The following DMBT1 variants were observed in gnomAD, a reference collection of about 807,000 sequenced individuals.
DMBT1 encodes the protein deleted in malignant brain tumors 1, also known as scavenger receptor cysteine-rich domain-containing protein DMBT1.
In DMBT1, 198 loss-of-function variants were observed where a neutral mutation model predicts 252.9. That is an observed-to-expected ratio of 0.78 (90% confidence interval 0.70 to 0.88). The LOEUF (loss-of-function observed/expected upper bound fraction) is 0.88, where lower values mean the gene tolerates loss of function less well. Ranked by LOEUF, DMBT1 falls within the 40% of genes least tolerant of loss-of-function variation. The pLI, the probability that DMBT1 is intolerant of heterozygous loss-of-function variation, is 0.00. For missense variants in DMBT1, 2,432 were observed against 2,404.7 expected (o/e 1.01, Z -0.24); for synonymous variants, 990 against 942.7 (o/e 1.05, Z -0.92).
chr10:122,577,766 G>T (rs2097725722), intron 7 of DMBT1, 45 bp from the exon 8 acceptor site: 2 of 1,611,760 alleles, frequency 1.2e-6, no homozygotes, highest in Non-Finnish European at 1.7e-6. Flanking sequence ...TCTACTTGGA[G>T]TCACTGAGTG....
chr10:122,642,620 AG>A (rs1456644821), intron 55 of DMBT1, among the ~76,000 whole-genome samples: 3 of 151,994 alleles, frequency 2.0e-5, no homozygotes, highest in African/African-American at 4.8e-5. Context: ...CAGGCTGAGG[AG>A]GGTCAGGAAA....
In DMBT1 at chr10:122,598,963, G is replaced by T. The variant is rs1298036610; in HGVS notation, c.3146G>T (p.Gly1049Val). The change falls in exon 26 of 56, where the codon GGT becomes GTT. Residue 1049 changes from glycine (G) to valine (V), a missense_variant. By Grantham distance (109) the Gly-to-Val change is moderately radical. Transcript: ENST00000338354. ...TCAGCCCCAGGAAATGCCCGGTTTGGTCAGGGCTCAGGACCCATTGTCCTG... is the reference window on the plus strand; with the variant it reads ...TCAGCCCCAGGAAATGCCCGGTTTGTTCAGGGCTCAGGACCCATTGTCCTG... ...AMSAPGNARF[G>V]QGSGPIVLDD... 9.3e-6 allele frequency: 15 copies of T among 1,613,680 alleles called. No individual in the cohort carries two copies. The highest frequency in any genetic ancestry group is 2.2e-5 in the East Asian group (1 of 44,872).
At chr10:122,561,095 T>C (rs1343791775) in intron 1 of DMBT1, among the ~76,000 whole-genome samples, 4 of 152,244 alleles carry the variant, frequency 2.6e-5, no homozygotes, top group Non-Finnish European at 5.9e-5. Flanking sequence ...AAAGGAATGA[T>C]TGATTTGTCT....
intron 44 of DMBT1, among the ~76,000 whole-genome samples, chr10:122,622,923 C>T (rs982621714): frequency 7.2e-5 from 11 of 152,190 alleles, no homozygotes; most frequent in African/African-American, 1.7e-4. Flanking sequence ...TGCTGGTTGA[C>T]GTTACCCCTC....
intron 1 of DMBT1, among the ~76,000 whole-genome samples, 184 bp from the exon 2 acceptor site, chr10:122,565,783 A>T (rs1217535197): frequency 1.3e-5 from 2 of 152,262 alleles, no homozygotes; most frequent in Non-Finnish European, 2.9e-5. Flanking sequence ...CCTCATATCC[A>T]ATCCACTTGC....
intron 55 of DMBT1, among the ~76,000 whole-genome samples, chr10:122,642,628 G>A (rs1844769268): frequency 6.6e-6 from 1 of 152,138 alleles, no homozygotes; most frequent in South Asian, 2.1e-4. Context: ...GGAGGGTCAG[G>A]AAAGAGAGGC....
At chr10:122,576,160 C>A (rs1361526898) in intron 6 of DMBT1, among the ~76,000 whole-genome samples, 1 of 152,162 alleles carries the variant, frequency 6.6e-6, no homozygotes, top group African/African-American at 2.4e-5. Context: ...CTCCAGGATG[C>A]AGATCAGGAG....
Position 122,621,245 on chromosome 10 carries a change from G to T in DMBT1, c.5473G>T (p.Gly1825Cys). ...GTCGGCCCCAGGAAATGCCCGGTTT[G>T]GCCAGGGCTCAGGACCCATTGTCCT... Reference protein sequence around the residue: ...AMSAPGNARFGQGSGPIVLDD... With the variant: ...AMSAPGNARFCQGSGPIVLDD... The change falls in exon 44 of 56, where the codon GGC becomes TGC. Residue 1825 changes from glycine to cysteine, a missense_variant. Gly to Cys is a radical substitution (Grantham distance 159, BLOSUM62 -3). This residue lies in a region of DMBT1 where 1,162 missense variants were observed against 1,169.0 expected (regional missense o/e 0.99). Transcript: ENST00000338354. 6.2e-7 allele frequency: 1 copy of T among 1,613,868 alleles called. No homozygotes were observed. The highest frequency in any genetic ancestry group is 1.3e-5 in the African/African-American group (1 of 75,048).
chr10:122,620,813 C>G (rs921649468), intron 43 of DMBT1, among the ~76,000 whole-genome samples: 2 of 152,218 alleles, frequency 1.3e-5, no homozygotes, highest in African/African-American at 4.8e-5. Context: ...GGCGTCCATT[C>G]CTGTCACCTC....
At chr10:122,576,911 A>G (rs1185479610) in intron 7 of DMBT1, among the ~76,000 whole-genome samples, 189 bp downstream of exon 7, 1 of 152,234 alleles carries the variant, frequency 6.6e-6, no homozygotes, top group African/African-American at 2.4e-5. Flanking sequence ...GACTGTATTC[A>G]GAGAATATAG....
chr10:122,561,334 GATTCCAAGTTTGTCTTGGA>G (rs529605488), intron 1 of DMBT1, among the ~76,000 whole-genome samples: 150 of 152,320 alleles, frequency 9.8e-4, no homozygotes, highest in African/African-American at 3.3e-3. Flanking sequence ...AGATCATTAA[GATTCCAAGTTTGTCTTGGA>G]ATTCCAAGTT....
intron 8 of DMBT1, 23 bp downstream of exon 8, chr10:122,577,863 C>T (rs778293638): frequency 9.9e-6 from 16 of 1,612,926 alleles, no homozygotes; most frequent in Admixed American, 3.3e-5. Context: ...AATCCTTCCT[C>T]GGGATACCCC....
At chr10:122,599,840 C>T (rs996695989) in intron 26 of DMBT1, among the ~76,000 whole-genome samples, 13 of 151,732 alleles carry the variant, frequency 8.6e-5, no homozygotes, top group African/African-American at 3.2e-4. Context: ...TTACCCTGGG[C>T]AGACACAAGT....
rs987650942 is a variant in DMBT1, at chr10:122,621,096, G to T, written c.5324G>T (p.Gly1775Val). The T allele has an allele frequency of 1.9e-6, 3 of 1,613,576 alleles. No individual in the cohort carries two copies. The highest frequency in any genetic ancestry group is 2.5e-6 in the Non-Finnish European group (3 of 1,179,732). The change falls in exon 44 of 56, where the codon GGT becomes GTT. Residue 1775 changes from glycine (G) to valine (V), a missense_variant. By Grantham distance (109) the Gly-to-Val change is moderately radical. This residue lies in a region of DMBT1 where 1,162 missense variants were observed against 1,169.0 expected (regional missense o/e 0.99). Coordinates refer to ENST00000338354, the MANE Select transcript of DMBT1 (RefSeq NM_001377530.1). ...TTGGCTCTGAGGCTGGTGAATGGAG[G>T]TGACAGGTGTCGAGGCCGAGTGGAG... is the stretch of plus-strand genomic sequence containing the variant. ...SSLALRLVNG[G>V]DRCRGRVEVL...
chr10:122,634,652 A>G (rs1230595359), intron 52 of DMBT1, among the ~76,000 whole-genome samples: 2 of 151,848 alleles, frequency 1.3e-5, no homozygotes, highest in African/African-American at 2.4e-5. Flanking sequence ...ACACGCCACA[A>G]TGCCTGGCTA....
chr10:122,620,931 C>T (rs2098060770), intron 43 of DMBT1, 126 bp from the exon 44 acceptor site: 1 of 1,514,584 alleles, frequency 6.6e-7, no homozygotes. Flanking sequence ...TGTCTGTATT[C>T]ATATTCAAAG....
chr10:122,580,844 C>A lies in DMBT1; in HGVS notation c.1004-22C>A, dbSNP rs149629216. On this transcript the variant is annotated intron_variant, in intron 10 of 55. Coordinates refer to ENST00000338354, the MANE Select transcript of DMBT1 (RefSeq NM_001377530.1). Reference sequence around the variant, plus strand: ...CTTCTGTGTAATGTTCCTGATCTGACCTTCTCTTCTCTTTCTCACAGCTCC... The same window carrying A: ...CTTCTGTGTAATGTTCCTGATCTGAACTTCTCTTCTCTTTCTCACAGCTCC... 2.4e-3 allele frequency: 3,924 copies of A among 1,613,614 alleles called. 85 individuals carry two copies. In the African/African-American group the frequency reaches 0.045, roughly 18 times the overall value.
chr10:122,577,724 G>T (rs1055700848), intron 7 of DMBT1, 87 bp from the exon 8 acceptor site: 9 of 1,507,578 alleles, frequency 6.0e-6, no homozygotes, highest in East Asian at 2.3e-5. Flanking sequence ...TCAGCTCAGG[G>T]TGTAGATACC....
chr10:122,588,969 G>T lies in DMBT1; in HGVS notation c.1809G>T (p.Arg603Ser). 6.3e-7 allele frequency: 1 copy of T among 1,588,334 alleles called. No homozygotes were observed. The highest frequency in any genetic ancestry group is 8.6e-7 in the Non-Finnish European group (1 of 1,165,812). Residue 603 changes from arginine to serine, a missense_variant, in exon 17 of 56, where the codon AGG becomes AGT. Around this residue, in one of 3 missense-constraint regions of DMBT1, gnomAD observed 1,264 missense variants for 1,082.2 expected, o/e 1.17. Transcript: ENST00000338354. The stretch of plus-strand genomic sequence containing the variant: ...GACCTGAATCCAGTTTGGCCCTGAG[G>T]CTGGTGAATGGAGGTGACAGGTGTC... The part of the protein sequence containing the change: ...CSGPESSLAL[R>S]LVNGGDRCQG...
Sources: gnomAD v4.1 joint callset for allele counts (sites outside exome capture counted in the v4.1 genomes callset) on GRCh38, gnomAD v4.1.1 for gene constraint, gnomAD v4.1.1 regional missense constraint, MANE v1.5 for transcripts, NCBI Gene and HGNC (gene_info 2026-07-23, HGNC 2026-07-21) for gene names.